PANK4: variants seen among roughly 807,000 people sequenced by gnomAD.
The protein encoded by PANK4 is 4'-phosphopantetheine phosphatase.
PANK4 carries 40 observed loss-of-function variants against 87.9 expected under a neutral mutation model. The ratio of observed to expected loss-of-function variants is 0.46; its 90% CI spans 0.35 to 0.59. PANK4 has a LOEUF of 0.59. Ranked by LOEUF, PANK4 falls within the 20% of genes least tolerant of loss-of-function variation. The pLI, the probability that PANK4 is intolerant of heterozygous loss-of-function variation, is 0.00. For missense variants in PANK4, 926 were observed against 1,072.3 expected (o/e 0.86, Z 1.90); for synonymous variants, 524 against 467.4 (o/e 1.12, Z -1.56).
In PANK4 at chr1:2,515,137, A is replaced by T; in HGVS notation, c.1374+425T>A. On this transcript the variant is annotated intron_variant, in intron 10 of 18. Transcript: ENST00000378466. This position sits in a 1 kb window ranked among gnomAD's most constrained non-coding sequence, Gnocchi z 5.0. ...GGCATTTGCTCCACGGGACCAGCCC[A>T]GCCTTGGAGAAGGTGGGACGCAGGA... The T allele has an allele frequency of 2.7e-6, 1 of 370,876 alleles. No individual in the cohort carries two copies. 23.0% of individuals were successfully genotyped at this position (370,876 alleles called of 1,614,324 possible). A position where few individuals can be genotyped will look rare whatever the true frequency, so the allele number is the denominator to read the frequency against.
intron 1 of PANK4, 51 bp downstream of exon 1, chr1:2,526,413 G>A (rs1404811279): frequency 1.2e-5 from 8 of 645,190 alleles, no homozygotes; most frequent in African/African-American, 1.1e-4. Context: ...GCCCACCGCC[G>A]GCGCCCCGCC....
chr1:2,508,843 C>A lies in PANK4; in HGVS notation c.*4G>T. The A allele has an allele frequency of 6.5e-7, 1 of 1,543,794 alleles. No homozygotes were observed. Among genetic ancestry groups the A allele is most frequent in the Non-Finnish European group, 8.9e-7 (1 of 1,124,340 alleles). On this transcript the variant is annotated 3_prime_UTR_variant, in exon 19 of 19. Coordinates refer to ENST00000378466, the MANE Select transcript of PANK4 (RefSeq NM_018216.4). The surrounding 1 kb of genome is among the most constrained non-coding windows in gnomAD (Gnocchi z 5.1). ...AAGCAGAAGAGTCCGGCAGCTGCAGCGCCTCACTCGGCTGGGACCTCGTAC... is the reference window on the plus strand; with the variant it reads ...AAGCAGAAGAGTCCGGCAGCTGCAGAGCCTCACTCGGCTGGGACCTCGTAC...
rs201701786 is a variant in PANK4, at chr1:2,509,833, G to T, written c.2108+29C>A. ...CACAGAGGGCACAGAGCCCAGGAGGGAGAGAACAGGTGCAGGGTGCGGGGT... is the reference window on the plus strand; with the variant it reads ...CACAGAGGGCACAGAGCCCAGGAGGTAGAGAACAGGTGCAGGGTGCGGGGT... On this transcript the variant is annotated intron_variant, in intron 18 of 18. Coordinates refer to ENST00000378466, the MANE Select transcript of PANK4 (RefSeq NM_018216.4). The surrounding 1 kb of genome is among the most constrained non-coding windows in gnomAD (Gnocchi z 4.9). 2 of 1,598,340 alleles carry T rather than the reference G, an allele frequency of 1.3e-6. No individual in the cohort carries two copies. Among genetic ancestry groups the T allele is most frequent in the Non-Finnish European group, 1.7e-6 (2 of 1,169,076 alleles).
rs564909881 is a variant in PANK4, at chr1:2,515,765, C to G, written c.1219-48G>C. 1 of 1,553,420 alleles carries G rather than the reference C, an allele frequency of 6.4e-7. No individual in the cohort carries two copies. The highest frequency in any genetic ancestry group is 8.8e-7 in the Non-Finnish European group (1 of 1,137,668). On this transcript the variant is annotated intron_variant, in intron 9 of 18. Coordinates refer to ENST00000378466, the MANE Select transcript of PANK4 (RefSeq NM_018216.4). This position sits in a 1 kb window ranked among gnomAD's most constrained non-coding sequence, Gnocchi z 5.0. Reference sequence around the variant, plus strand: ...GTGGAAACGTCACCATGGTTCAGAACGACCCAAGCCACACTCAGAAGCTTC... The same window carrying G: ...GTGGAAACGTCACCATGGTTCAGAAGGACCCAAGCCACACTCAGAAGCTTC...
intron 9 of PANK4, among the ~76,000 whole-genome samples, chr1:2,517,144 C>A (rs554238503): frequency 7.7e-4 from 117 of 152,354 alleles, no homozygotes; most frequent in African/African-American, 2.6e-3. Flanking sequence ...AACAGCAGGG[C>A]AAAAGCTGAG....
rs1196704737 is a variant in PANK4, at chr1:2,520,372, T to C, written c.649A>G (p.Ile217Val). Reference protein sequence around the residue: ...DRFEWVGGSSIGGGTFWGLGA... With the variant: ...DRFEWVGGSSVGGGTFWGLGA... ...AGCCCCCAGAAGGTGCCGCCTCCAA[T>C]GGAGCTGCCGCCGACCCACTCGAAC... Residue 217 changes from isoleucine (I) to valine (V), a missense_variant, in exon 5 of 19, where the codon ATT becomes GTT. Coordinates refer to ENST00000378466, the MANE Select transcript of PANK4 (RefSeq NM_018216.4). The surrounding 1 kb of genome is among the most constrained non-coding windows in gnomAD (Gnocchi z 6.2). The C allele has an allele frequency of 5.6e-6, 9 of 1,612,908 alleles. No homozygotes were observed. Among genetic ancestry groups the C allele is most frequent in the Non-Finnish European group, 3.4e-6 (4 of 1,179,956 alleles).
At position 2,515,027 on chromosome 1, in the gene PANK4, C is replaced by T. The variant is rs933228926; in HGVS notation, c.1374+535G>A. ...AAACCCTGGCACGACCCGGCCTCTC[C>T]GAGGGCTTCGTGAAGAGTGCGTGTT... On this transcript the variant is annotated intron_variant, in intron 10 of 18. Transcript: ENST00000378466. This position sits in a 1 kb window ranked among gnomAD's most constrained non-coding sequence, Gnocchi z 5.0. Among the ~76,000 whole-genome samples the T allele has an allele frequency of 3.3e-5, 5 of 152,180 alleles. No homozygotes were observed. The highest frequency in any genetic ancestry group is 7.3e-5 in the Non-Finnish European group (5 of 68,030).
intron 9 of PANK4, among the ~76,000 whole-genome samples, chr1:2,516,794 G>A (rs931228941): frequency 3.3e-5 from 5 of 152,248 alleles, no homozygotes; most frequent in African/African-American, 2.4e-5. Context: ...ACCACAGCCG[G>A]GATCGCCTGG....
At chr1:2,524,077 C>A (rs1312980454) in intron 1 of PANK4, among the ~76,000 whole-genome samples, 1 of 152,256 alleles carries the variant, frequency 6.6e-6, no homozygotes, top group Admixed American at 6.5e-5. Flanking sequence ...ACACCACCGC[C>A]CCGTGGCCCC....
At chr1:2,518,292 T>G in intron 8 of PANK4, 28 bp from the exon 9 acceptor site, 1 of 1,490,604 alleles carries the variant, frequency 6.7e-7, no homozygotes, top group Non-Finnish European at 9.3e-7. Flanking sequence ...AGGTCACTTG[T>G]GTTAACCTTG....
At chr1:2,513,343 G>A (rs1040988808) in intron 12 of PANK4, among the ~76,000 whole-genome samples, 5 of 152,202 alleles carry the variant, frequency 3.3e-5, no homozygotes, top group African/African-American at 9.6e-5. Flanking sequence ...CAAAACCCTC[G>A]ACACCCAGAC....
chr1:2,523,775 C>T (rs1330003947), intron 1 of PANK4, among the ~76,000 whole-genome samples: 2 of 152,344 alleles, frequency 1.3e-5, no homozygotes, highest in Non-Finnish European at 2.9e-5. Context: ...CGCCTGCGGG[C>T]GGGGACCCTT....
rs886680217 is a variant in PANK4, at chr1:2,515,812, G to A, written c.1219-95C>T. 2.1e-5 allele frequency: 26 copies of A among 1,226,306 alleles called. No homozygotes were observed. Among genetic ancestry groups the A allele is most frequent in the East Asian group, 1.5e-4 (6 of 39,652 alleles). 76.0% of individuals were successfully genotyped at this position (1,226,306 alleles called of 1,614,324 possible). A position where few individuals can be genotyped will look rare whatever the true frequency, so the allele number is the denominator to read the frequency against. Reference sequence around the variant, plus strand: ...CTTCCACTCTCTCTCTAAGAAGGGAGATGTACTGCCTTCTTCCGCCACGTC... The same window carrying A: ...CTTCCACTCTCTCTCTAAGAAGGGAAATGTACTGCCTTCTTCCGCCACGTC... On this transcript the variant is annotated intron_variant, in intron 9 of 18. Transcript: ENST00000378466. This position sits in a 1 kb window ranked among gnomAD's most constrained non-coding sequence, Gnocchi z 5.0.
intron 9 of PANK4, among the ~76,000 whole-genome samples, chr1:2,517,340 C>T (rs896097226): frequency 2.6e-5 from 4 of 152,256 alleles, no homozygotes; most frequent in African/African-American, 9.6e-5. Flanking sequence ...CAACAAGTCG[C>T]GGTCTTGAAA....
In PANK4 at chr1:2,508,886, G is replaced by A; in HGVS notation, c.2283C>T (p.Leu761=). The A allele has an allele frequency of 6.2e-7, 1 of 1,607,462 alleles. No homozygotes were observed. Among genetic ancestry groups the A allele is most frequent in the Non-Finnish European group, 8.5e-7 (1 of 1,177,246 alleles). Residue 761 remains leucine (L), a synonymous_variant, in exon 19 of 19, where the codon CTC becomes CTT. Transcript: ENST00000378466. This position sits in a 1 kb window ranked among gnomAD's most constrained non-coding sequence, Gnocchi z 5.1. ...AWLAERLGGR[L]FSVIFKYEVP... ...CCTCGTACTTGAAGATGACGCTGAA[G>A]AGCCGGCCGCCCAGCCGCTCGGCCA...
intron 13 of PANK4, 40 bp downstream of exon 13, chr1:2,512,848 C>T: frequency 6.2e-7 from 1 of 1,606,884 alleles, no homozygotes; most frequent in South Asian, 1.1e-5. Context: ...GACAGGCACC[C>T]ACAGGCTGCA....
chr1:2,511,749 T>C (rs1270592735), intron 13 of PANK4, 66 bp from the exon 14 acceptor site: 5 of 939,952 alleles, frequency 5.3e-6, no homozygotes, highest in Non-Finnish European at 8.7e-6. Flanking sequence ...CAGTGCTCAA[T>C]GTGAAGACCC....
At position 2,513,046 on chromosome 1, in the gene PANK4, A is replaced by G. The variant is rs1275676267; in HGVS notation, c.1576-7T>C. The stretch of plus-strand genomic sequence containing the variant: ...CATTCTCCCGCTGCTTCACCTGTGG[A>G]GAGTGCCAGATGCCAGGCCTGAGTG... On this transcript the variant is annotated splice_region_variant and splice_polypyrimidine_tract_variant and intron_variant, in intron 12 of 18. Transcript: ENST00000378466. 1.3e-6 allele frequency: 2 copies of G among 1,590,556 alleles called. No individual in the cohort carries two copies. The highest frequency in any genetic ancestry group is 1.3e-5 in the African/African-American group (1 of 74,456).
chr1:2,520,610 C>A lies in PANK4; in HGVS notation c.606+113G>T, dbSNP rs867471221. On this transcript the variant is annotated intron_variant, in intron 4 of 18. Transcript: ENST00000378466. This position sits in a 1 kb window ranked among gnomAD's most constrained non-coding sequence, Gnocchi z 6.2. ...CTGAGCTCACAGCCTCGCCACCCCC[C>A]TCCCGCCCACTGGGCCCCATCCATG... 4 of 1,161,484 alleles carry A rather than the reference C, an allele frequency of 3.4e-6. No individual in the cohort carries two copies. The Admixed American group carries it at 7.9e-5, about 23-fold the overall frequency. The allele number at this position is 1,161,484 out of a possible 1,614,324, so 71.9% of individuals were successfully genotyped here.
Sources: allele counts gnomAD v4.1 joint callset (sites outside exome capture counted in the v4.1 genomes callset), GRCh38; gene constraint gnomAD v4.1.1; non-coding constraint Gnocchi (gnomAD v3.1); transcripts MANE v1.5; gene names NCBI Gene and HGNC (gene_info 2026-07-23, HGNC 2026-07-21).